Variants in CACNA1I observed in about 807,000 individuals in gnomAD.
CACNA1I encodes the protein calcium voltage-gated channel subunit alpha1 I, also known as voltage-dependent T-type calcium channel subunit alpha-1I.
A neutral mutation model predicts 201.6 loss-of-function variants in CACNA1I; 74 were observed. That is an observed-to-expected ratio of 0.37 (90% CI 0.30 to 0.45). The LOEUF (loss-of-function observed/expected upper bound fraction) is 0.45, where lower values mean the gene tolerates loss of function less well. Among genes scored for constraint, CACNA1I ranks in the 20% least tolerant of loss-of-function variants. CACNA1I has a pLI of 1.00. For missense variants in CACNA1I, 2,346 were observed against 3,138.1 expected, an observed-to-expected ratio of 0.75 and a Z score of 6.03; for synonymous variants, 1,431 against 1,345.2, an observed-to-expected ratio of 1.06 and a Z score of -1.40.
chr22:39,573,337 C>T (rs1011932021), intron 1 of CACNA1I, among the ~76,000 whole-genome samples: 1 of 152,120 alleles, frequency 6.6e-6, no homozygotes, highest in African/African-American at 2.4e-5. Flanking sequence ...GGCAATACTG[C>T]TCTGGGCTGG....
chr22:39,621,001 AC>A (rs1383400932), intron 4 of CACNA1I, among the ~76,000 whole-genome samples: 1 of 152,082 alleles, frequency 6.6e-6, no homozygotes, highest in Non-Finnish European at 1.5e-5. Flanking sequence ...CAGGTGATCC[AC>A]CCACCTTGGC....
chr22:39,674,108 G>A, intron 29 of CACNA1I, 75 bp downstream of exon 29: 2 of 1,393,012 alleles, frequency 1.4e-6, no homozygotes, highest in East Asian at 2.3e-5. Context: ...TGAAGGCCCT[G>A]ATTTCCCTTC....
chr22:39,662,580 G>A, intron 17 of CACNA1I, 145 bp downstream of exon 17: 1 of 723,742 alleles, frequency 1.4e-6, no homozygotes, highest in Non-Finnish European at 2.2e-6. Context: ...TCAGGTGTGA[G>A]GCAGGAGGGG....
At chr22:39,593,481 G>A (rs561696061) in intron 1 of CACNA1I, among the ~76,000 whole-genome samples, 3 of 152,332 alleles carry the variant, frequency 2.0e-5, no homozygotes, top group East Asian at 1.9e-4. Context: ...GGTGACCTGC[G>A]AACTGGGCTC....
intron 10 of CACNA1I, chr22:39,656,296 T>C (rs1362826140): frequency 4.4e-6 from 2 of 454,280 alleles, no homozygotes; most frequent in Non-Finnish European, 8.9e-6. Flanking sequence ...CCGTTGCTGA[T>C]GGAGGGGCTC....
intron 5 of CACNA1I, among the ~76,000 whole-genome samples, chr22:39,637,538 A>C (rs2146415844): frequency 6.6e-6 from 1 of 152,288 alleles, no homozygotes; most frequent in East Asian, 1.9e-4. Context: ...TTACCCAAAA[A>C]AGGGATGGCT....
chr22:39,586,584 G>A (rs578053768), intron 1 of CACNA1I, among the ~76,000 whole-genome samples: 94 of 152,340 alleles, frequency 6.2e-4, no homozygotes, highest in African/African-American at 2.3e-3. Flanking sequence ...TGTTCTAGAA[G>A]AGGAGTCAGT....
At chr22:39,669,759 G>A (rs999867018) in intron 24 of CACNA1I, among the ~76,000 whole-genome samples, 1 of 152,186 alleles carries the variant, frequency 6.6e-6, no homozygotes, top group African/African-American at 2.4e-5. Context: ...GCATGCATAG[G>A]TGAATGAATG....
In CACNA1I at chr22:39,665,305, G is replaced by GGCTTGCCT. The variant is rs1935152363; in HGVS notation, c.3852-193_3852-192insGCTTGCCT. Among the ~76,000 whole-genome samples the GGCTTGCCT allele has an allele frequency of 1.3e-5, 2 of 152,112 alleles. No individual in the cohort carries two copies. Among genetic ancestry groups the GGCTTGCCT allele is most frequent in the Non-Finnish European group, 2.9e-5 (2 of 67,996 alleles). ...CTGGGTGCAGCTTGCCTCCTGCTCT[G>GGCTTGCCT]CCCGTGTCTGGGCTGCCTGGCCACT... On this transcript the variant is annotated intron_variant, in intron 21 of 36. Coordinates refer to ENST00000402142, the MANE Select transcript of CACNA1I (RefSeq NM_021096.4). The surrounding 1 kb of genome is among the most constrained non-coding windows in gnomAD (Gnocchi z 5.5).
intron 1 of CACNA1I, among the ~76,000 whole-genome samples, chr22:39,586,879 G>A (rs1932759564): frequency 6.6e-6 from 1 of 152,292 alleles, no homozygotes; most frequent in African/African-American, 2.4e-5. Context: ...CCCAGAGGAG[G>A]CATCTGCAGC....
intron 3 of CACNA1I, among the ~76,000 whole-genome samples, chr22:39,616,659 G>A (rs970589593): frequency 6.6e-6 from 1 of 151,858 alleles, no homozygotes; most frequent in Non-Finnish European, 1.5e-5. Flanking sequence ...AGCTACTCAG[G>A]AGGCTGAGGC....
At chr22:39,673,487 C>G (rs1245754927) in intron 28 of CACNA1I, among the ~76,000 whole-genome samples, 1 of 152,190 alleles carries the variant, frequency 6.6e-6, no homozygotes, top group Non-Finnish European at 1.5e-5. Context: ...TTCAGAGATC[C>G]TTCTCCCTCC....
intron 3 of CACNA1I, among the ~76,000 whole-genome samples, chr22:39,602,310 A>G (rs922704896): frequency 2.6e-5 from 4 of 151,400 alleles, no homozygotes; most frequent in African/African-American, 9.7e-5. Flanking sequence ...CCTGGGTTCA[A>G]GCTTTCCTCC....
intron 3 of CACNA1I, among the ~76,000 whole-genome samples, chr22:39,601,563 CGT>C (rs928404467): frequency 6.6e-6 from 1 of 151,762 alleles, no homozygotes; most frequent in African/African-American, 2.4e-5. Flanking sequence ...GGAGGCTGTA[CGT>C]GTGTGTGTGA....
chr22:39,673,859 C>A, intron 28 of CACNA1I, 104 bp from the exon 29 acceptor site: 1 of 1,093,420 alleles, frequency 9.1e-7, no homozygotes, highest in South Asian at 1.4e-5. Flanking sequence ...TTGCACGTGC[C>A]TTCATGTTCT....
rs2294369 is a variant in CACNA1I at position 39,679,395 on chromosome 22, G to A, written c.5344G>A (p.Gly1782Arg). 308,707 of 1,483,252 alleles carry A rather than the reference G, an allele frequency of 0.21. 34,606 individuals carry two copies. Among genetic ancestry groups the A allele is most frequent in the Middle Eastern group, 0.28 (1,221 of 4,374 alleles). 91.9% of individuals were successfully genotyped at this position (1,483,252 alleles called of 1,614,324 possible). A position where few individuals can be genotyped will look rare whatever the true frequency, so the allele number is the denominator to read the frequency against. The change falls in exon 32 of 37, where the codon GGG becomes AGG. Residue 1782 changes from glycine to arginine, a missense_variant. By Grantham distance (125) the Gly-to-Arg change is moderately radical. This residue lies in a region of CACNA1I where 441 missense variants were observed against 555.6 expected (regional missense o/e 0.79). Coordinates refer to ENST00000402142, the MANE Select transcript of CACNA1I (RefSeq NM_021096.4). ...PGRGPGGAGG[G>R]GDTEGGLCRR... is the part of the protein sequence containing the mutation. ...CCGAGGGCCGGGAGGGGCGGGCGGC[G>A]GGGGCGACACCGAGGGCGGCTTGTG...
Position 39,659,429 on chromosome 22 carries a change from C to T in CACNA1I, c.2331-4C>T. ...CCGATGAGCCTCTTCCATCCTTTCC[C>T]CAGCATCCTTGGGATGCATATTTTT... On this transcript the variant is annotated splice_region_variant and splice_polypyrimidine_tract_variant and intron_variant, in intron 12 of 36. Coordinates refer to ENST00000402142, the MANE Select transcript of CACNA1I (RefSeq NM_021096.4). This position sits in a 1 kb window ranked among gnomAD's most constrained non-coding sequence, Gnocchi z 4.3. The T allele has an allele frequency of 6.5e-7, 1 of 1,538,302 alleles. No individual in the cohort carries two copies. Among genetic ancestry groups the T allele is most frequent in the Non-Finnish European group, 8.8e-7 (1 of 1,133,100 alleles).
intron 1 of CACNA1I, among the ~76,000 whole-genome samples, chr22:39,589,396 T>C (rs569191790): frequency 1.3e-5 from 2 of 152,206 alleles, no homozygotes; most frequent in East Asian, 3.9e-4. Flanking sequence ...CCTTCCAGAG[T>C]GGTTGCTGCC....
chr22:39,634,941 C>G (rs1395795518), intron 5 of CACNA1I, among the ~76,000 whole-genome samples: 13 of 152,078 alleles, frequency 8.5e-5, no homozygotes, highest in Admixed American at 7.9e-4. Context: ...GAACTTGGCT[C>G]TCCGCCCACA....
Sources: gnomAD v4.1 joint callset for allele counts (sites outside exome capture counted in the v4.1 genomes callset) on GRCh38, gnomAD v4.1.1 for gene constraint, gnomAD v4.1.1 regional missense constraint, Gnocchi (gnomAD v3.1) non-coding constraint, MANE v1.5 for transcripts, NCBI Gene and HGNC (gene_info 2026-07-23, HGNC 2026-07-21) for gene names.